The following FAM114A2 variants were observed in gnomAD, a reference collection of about 807,000 sequenced individuals.
FAM114A2 encodes the protein protein FAM114A2.
In FAM114A2, 53 loss-of-function variants were observed where a neutral mutation model predicts 58.4. That is an observed-to-expected ratio of 0.91 (90% CI 0.73 to 1.14). The LOEUF (loss-of-function observed/expected upper bound fraction) is 1.14. Among genes scored for constraint, FAM114A2 ranks in the 50% most tolerant of loss-of-function variants. The pLI is 0.00. For missense variants in FAM114A2, 601 were observed against 581.1 expected (o/e 1.03, Z -0.35); for synonymous variants, 228 against 211.4 (o/e 1.08, Z -0.68).
Position 154,027,523 on chromosome 5 carries a change from C to A in FAM114A2, c.631-189G>T, listed in dbSNP as rs752112267. The A allele has an allele frequency of 2.3e-5, 10 of 440,342 alleles. No homozygotes were observed. The South Asian group carries it at 5.0e-4, about 22-fold the overall frequency. 27.3% of individuals were successfully genotyped at this position (440,342 alleles called of 1,614,324 possible). On this transcript the variant is annotated intron_variant, in intron 6 of 13. Coordinates refer to ENST00000351797, the MANE Select transcript of FAM114A2 (RefSeq NM_018691.4). ...AAAAACGATCACACATAATTTGAGA[C>A]GGAGTTTCACTCTGTCACCCAGGCT... is the stretch of plus-strand genomic sequence containing the variant.
In FAM114A2 at chr5:154,038,838, C is replaced by G. The variant is rs1772796760; in HGVS notation, c.-15+19G>C. On this transcript the variant is annotated intron_variant, in intron 1 of 13. Transcript: ENST00000351797. ...CCTGAACCTCGCACCCCTCCTGCCTCGTTCAGGAAGCTCCGCACCTATCCG... is the reference window on the plus strand; with the variant it reads ...CCTGAACCTCGCACCCCTCCTGCCTGGTTCAGGAAGCTCCGCACCTATCCG... 6.6e-6 allele frequency: 1 copy of G among 152,404 alleles called. No homozygotes were observed. Among genetic ancestry groups the G allele is most frequent in the African/African-American group, 2.4e-5 (1 of 41,462 alleles). The allele number at this position is 152,404 out of a possible 1,614,324, so 9.4% of individuals were successfully genotyped here.
chr5:153,998,988 AT>A (rs2113203307), intron 11 of FAM114A2, among the ~76,000 whole-genome samples: 1 of 152,358 alleles, frequency 6.6e-6, no homozygotes, highest in Admixed American at 6.5e-5. Flanking sequence ...TGAATTTTCT[AT>A]CCGTAAAACT....
At chr5:154,006,438 T>C (rs550120343) in intron 9 of FAM114A2, among the ~76,000 whole-genome samples, 3 of 152,268 alleles carry the variant, frequency 2.0e-5, no homozygotes, top group Non-Finnish European at 4.4e-5. Flanking sequence ...TCTGAAGGAA[T>C]TGGCCATACA....
At chr5:154,028,950 T>C (rs1456856378) in intron 5 of FAM114A2, among the ~76,000 whole-genome samples, 1 of 152,196 alleles carries the variant, frequency 6.6e-6, no homozygotes, top group Admixed American at 6.5e-5. Flanking sequence ...TGTTTCACAC[T>C]GAAAATTCAA....
Position 154,027,288 on chromosome 5 carries a change from T to C in FAM114A2, c.677A>G (p.Glu226Gly), listed in dbSNP as rs956617403. 3 of 1,613,502 alleles carry C rather than the reference T, an allele frequency of 1.9e-6. No individual in the cohort carries two copies. Among genetic ancestry groups the C allele is most frequent in the Non-Finnish European group, 2.5e-6 (3 of 1,179,680 alleles). ...TTTCTTGTCTGTTTCCACGGTAACCTCATTGGAGGTCCGTATCTCTTCTTT... is the reference window on the plus strand; with the variant it reads ...TTTCTTGTCTGTTTCCACGGTAACCCCATTGGAGGTCCGTATCTCTTCTTT... ...KEKEEIRTSN[E>G]VTVETDKKTH... is the part of the protein sequence containing the mutation. Residue 226 changes from glutamate (E) to glycine (G), a missense_variant, in exon 7 of 14, where the codon GAG (glutamate) becomes GGG (glycine). Glu to Gly is a moderately conservative substitution (Grantham distance 98). Transcript: ENST00000351797.
chr5:154,001,944 T>C (rs1262626599), intron 11 of FAM114A2, among the ~76,000 whole-genome samples: 1 of 152,184 alleles, frequency 6.6e-6, no homozygotes, highest in Non-Finnish European at 1.5e-5. Flanking sequence ...TAATAACTAT[T>C]ATTAAGAACT....
intron 4 of FAM114A2, among the ~76,000 whole-genome samples, chr5:154,032,725 A>C (rs576955320): frequency 3.1e-4 from 47 of 152,176 alleles, no homozygotes; most frequent in Non-Finnish European, 6.2e-4. Context: ...TTATTTTAGA[A>C]CACTATACTT....
At chr5:154,016,719 T>TA (rs545213712) in intron 8 of FAM114A2, among the ~76,000 whole-genome samples, 334 of 138,818 alleles carry the variant, frequency 2.4e-3, no homozygotes, top group African/African-American at 4.8e-3. Context: ...AAAATACAAT[T>TA]AAAAAAAAAA....
rs758853229 is a variant in FAM114A2 at position 154,002,978 on chromosome 5, G to GA, written c.994-10dup. On this transcript the variant is annotated splice_polypyrimidine_tract_variant and intron_variant, in intron 9 of 13. Transcript: ENST00000351797. ...TGGGCGGTATTTCTTGCCTAAATAA[G>GA]AAAAATATTGGCCATCAACAATTCA... The GA allele has an allele frequency of 1.1e-5, 17 of 1,612,786 alleles. No homozygotes were observed. The South Asian group carries it at 1.8e-4, about 17-fold the overall frequency.
At chr5:154,022,129 A>C (rs9791176) in intron 8 of FAM114A2, among the ~76,000 whole-genome samples, 59,496 of 152,042 alleles carry the variant, frequency 0.39, 12,380 homozygotes, top group East Asian at 0.65. Flanking sequence ...CTTACACCTT[A>C]TACAAAAATC....
intron 1 of FAM114A2, chr5:154,038,507 C>A (rs1005197399): frequency 6.6e-6 from 1 of 152,258 alleles, no homozygotes; most frequent in African/African-American, 2.4e-5. Context: ...CACAGGTTAA[C>A]AGCTGCTATC....
chr5:154,022,065 T>C (rs1397877673), intron 8 of FAM114A2, among the ~76,000 whole-genome samples: 1 of 152,218 alleles, frequency 6.6e-6, no homozygotes, highest in Non-Finnish European at 1.5e-5. Context: ...ATTTAATAAA[T>C]GGTGCTGGGA....
At chr5:154,025,174 T>C (rs780334933) in intron 8 of FAM114A2, among the ~76,000 whole-genome samples, 1 of 152,184 alleles carries the variant, frequency 6.6e-6, no homozygotes, top group Non-Finnish European at 1.5e-5. Flanking sequence ...GAGACAACCA[T>C]CATACTTCAG....
At chr5:154,010,655 TG>T (rs2113311224) in intron 9 of FAM114A2, among the ~76,000 whole-genome samples, 1 of 152,322 alleles carries the variant, frequency 6.6e-6, no homozygotes, top group Non-Finnish European at 1.5e-5. Flanking sequence ...GAGCAGGCAC[TG>T]GCTTATACTT....
In FAM114A2 at chr5:153,992,856, C is replaced by T. The variant is rs929865599; in HGVS notation, c.*120G>A. On this transcript the variant is annotated 3_prime_UTR_variant, in exon 14 of 14. Transcript: ENST00000351797. ...GCAACAATCTTCCTCTTTAAACCAT[C>T]TCTCCTGCCTGAATTTTTATATACT... 30 of 815,762 alleles carry T rather than the reference C, an allele frequency of 3.7e-5. No homozygotes were observed. Among genetic ancestry groups the T allele is most frequent in the Non-Finnish European group, 5.1e-5 (27 of 532,346 alleles). 50.5% of individuals were successfully genotyped at this position (815,762 alleles called of 1,614,324 possible). A position where few individuals can be genotyped will look rare whatever the true frequency, so the allele number is the denominator to read the frequency against.
intron 8 of FAM114A2, among the ~76,000 whole-genome samples, chr5:154,015,723 C>A (rs896142832): frequency 2.0e-5 from 3 of 152,064 alleles, no homozygotes; most frequent in African/African-American, 7.2e-5. Context: ...TTCTTTAACA[C>A]CCCCAAAAAT....
In FAM114A2 at chr5:153,991,209, A is replaced by T. The variant is rs1001122498; in HGVS notation, c.*1767T>A. On this transcript the variant is annotated 3_prime_UTR_variant, in exon 14 of 14. Coordinates refer to ENST00000351797, the MANE Select transcript of FAM114A2 (RefSeq NM_018691.4). Reference sequence around the variant, plus strand: ...GAAATCTGAATAGGTGTATAAAAAGAGTTGTTACTCTCTCCTTCATATGTA... The same window carrying T: ...GAAATCTGAATAGGTGTATAAAAAGTGTTGTTACTCTCTCCTTCATATGTA... 6.6e-6 allele frequency: 1 copy of T among 152,208 alleles called. No individual in the cohort carries two copies. The highest frequency in any genetic ancestry group is 2.4e-5 in the African/African-American group (1 of 41,456). The allele number at this position is 152,208 out of a possible 1,614,324, so 9.4% of individuals were successfully genotyped here. A position where few individuals can be genotyped will look rare whatever the true frequency, so the allele number is the denominator to read the frequency against.
intron 12 of FAM114A2, 40 bp from the exon 13 acceptor site, chr5:153,995,012 T>G: frequency 7.7e-7 from 1 of 1,302,592 alleles, no homozygotes. Flanking sequence ...CAGAGTAGGT[T>G]AAATAACAGT....
Position 154,002,383 on chromosome 5 carries a change from T to C in FAM114A2, c.1124A>G (p.His375Arg), listed in dbSNP as rs1770036027. ...QVNKNSIEDIHAFAIRSLAEL... is the reference protein window; with the variant it reads ...QVNKNSIEDIRAFAIRSLAEL... The stretch of plus-strand genomic sequence containing the variant: ...AGCCAGGCTCCGGATTGCAAACGCA[T>C]GGATATCCTGGATGGAAAAACAAAA... Residue 375 changes from histidine (H) to arginine (R), a missense_variant, in exon 11 of 14, where the codon CAT becomes CGT. Physicochemically the swap from His to Arg is conservative, Grantham distance 29. Transcript: ENST00000351797. 2.5e-6 allele frequency: 4 copies of C among 1,613,578 alleles called. No homozygotes were observed. Among genetic ancestry groups the C allele is most frequent in the African/African-American group, 1.3e-5 (1 of 75,040 alleles).
Sources: gnomAD v4.1 joint callset for allele counts (sites outside exome capture counted in the v4.1 genomes callset) on GRCh38, gnomAD v4.1.1 for gene constraint, MANE v1.5 for transcripts, NCBI Gene and HGNC (gene_info 2026-07-23, HGNC 2026-07-21) for gene names.